Variants in SORCS1 observed in about 807,000 individuals in gnomAD.
The protein encoded by SORCS1 is sortilin related VPS10 domain containing receptor 1, also known as VPS10 domain-containing receptor SorCS1.
SORCS1 carries 60 observed loss-of-function variants against 146.1 expected under a neutral mutation model. That is an observed-to-expected ratio of 0.41 (90% confidence interval 0.33 to 0.51). The LOEUF is 0.51. Among genes scored for constraint, SORCS1 ranks in the 20% least tolerant of loss-of-function variants. The probability of loss-of-function intolerance (pLI) is 0.21; values close to 1 mark genes in which losing one functional copy is unlikely to be tolerated. For missense variants in SORCS1, 1,352 were observed against 1,487.6 expected (o/e 0.91, Z 1.50); for synonymous variants, 637 against 584.0 (o/e 1.09, Z -1.31).
intron 2 of SORCS1, among the ~76,000 whole-genome samples, chr10:106,852,465 T>G (rs552178364): frequency 6.6e-6 from 1 of 151,868 alleles, no homozygotes; most frequent in East Asian, 1.9e-4. Context: ...CTGTCTCTAC[T>G]AAAAATACAA....
At chr10:106,796,913 T>G (rs1246954030) in intron 3 of SORCS1, among the ~76,000 whole-genome samples, 2 of 152,114 alleles carry the variant, frequency 1.3e-5, no homozygotes, top group Non-Finnish European at 2.9e-5. Context: ...ATTGAGACCA[T>G]CCTGCCAACA....
intron 2 of SORCS1, among the ~76,000 whole-genome samples, chr10:106,863,994 A>G (rs887749827): frequency 6.6e-6 from 1 of 152,156 alleles, no homozygotes; most frequent in Non-Finnish European, 1.5e-5. Flanking sequence ...ACAGCCAGTA[A>G]CAGATGCTGG....
At chr10:106,648,074 C>T (rs1025272627) in intron 18 of SORCS1, among the ~76,000 whole-genome samples, 32 of 152,034 alleles carry the variant, frequency 2.1e-4, no homozygotes, top group African/African-American at 7.5e-4. Flanking sequence ...GTTGTCCAAG[C>T]TGGTCTCAAA....
At chr10:106,791,469 G>A (rs148986197) in intron 3 of SORCS1, among the ~76,000 whole-genome samples, 5,104 of 152,218 alleles carry the variant, frequency 0.034, 141 homozygotes, top group Non-Finnish European at 0.055. Context: ...AGGCCGAGGC[G>A]GGCAGATGGA....
At chr10:107,056,540 G>T (rs898616530) in intron 1 of SORCS1, among the ~76,000 whole-genome samples, 1 of 152,216 alleles carries the variant, frequency 6.6e-6, no homozygotes, top group African/African-American at 2.4e-5. Flanking sequence ...TTTGCAGAAG[G>T]CAGCAACTTA....
At chr10:106,849,964 C>T (rs1025421459) in intron 2 of SORCS1, among the ~76,000 whole-genome samples, 2 of 152,162 alleles carry the variant, frequency 1.3e-5, no homozygotes, top group African/African-American at 4.8e-5. Context: ...CAGCTGCGTG[C>T]TGGAAGAACC....
At chr10:107,134,546 G>T (rs898709350) in intron 1 of SORCS1, among the ~76,000 whole-genome samples, 1 of 152,180 alleles carries the variant, frequency 6.6e-6, no homozygotes, top group African/African-American at 2.4e-5. Context: ...GGCTGAGGCA[G>T]GAGAATGGCT....
At chr10:107,091,241 C>G (rs1964160306) in intron 1 of SORCS1, among the ~76,000 whole-genome samples, 1 of 152,224 alleles carries the variant, frequency 6.6e-6, no homozygotes, top group Non-Finnish European at 1.5e-5. Context: ...CCCATTTGAG[C>G]CTTCCCTGAT....
chr10:106,671,286 C>T lies in SORCS1; in HGVS notation c.2140G>A (p.Gly714Arg). 2 of 1,614,114 alleles carry T rather than the reference C, an allele frequency of 1.2e-6. No homozygotes were observed. Among genetic ancestry groups the T allele is most frequent in the Non-Finnish European group, 1.7e-6 (2 of 1,180,004 alleles). The change falls in exon 16 of 26, where the codon GGA (glycine) becomes AGA (arginine). Residue 714 changes from glycine (G) to arginine (R), a missense_variant. Physicochemically the swap from Gly to Arg is moderately radical, Grantham distance 125 (BLOSUM62 -2). Around this residue, in one of 3 missense-constraint regions of SORCS1, gnomAD observed 648 missense variants for 793.8 expected, o/e 0.82. Transcript: ENST00000263054. The part of the protein sequence containing the change: ...ERKCMQGKYA[G>R]AMESEPCVCT... ...ACACAGGGTTCAGATTCCATAGCTC[C>T]TGCATATTTTCCTTGCATACACTTC...
chr10:106,606,915 T>G (rs1432056972), intron 23 of SORCS1, among the ~76,000 whole-genome samples: 9 of 152,210 alleles, frequency 5.9e-5, no homozygotes, highest in Admixed American at 5.9e-4. Context: ...GATTGTAAGT[T>G]TCCTGAGGCC....
chr10:107,005,337 G>A (rs1420010474), intron 1 of SORCS1, among the ~76,000 whole-genome samples: 2 of 151,554 alleles, frequency 1.3e-5, no homozygotes, highest in Non-Finnish European at 1.5e-5. Context: ...TTCGGGGGCG[G>A]GGGGTAGGGA....
intron 6 of SORCS1, among the ~76,000 whole-genome samples, chr10:106,721,131 T>G (rs1442399732): frequency 6.6e-6 from 1 of 151,988 alleles, no homozygotes; most frequent in Non-Finnish European, 1.5e-5. Flanking sequence ...CCTTGATGCT[T>G]TATTTGGGGA....
chr10:106,825,944 T>A (rs180848327), intron 3 of SORCS1, among the ~76,000 whole-genome samples: 1 of 152,208 alleles, frequency 6.6e-6, no homozygotes, highest in Non-Finnish European at 1.5e-5. Flanking sequence ...CACTGACATA[T>A]GTTGAGATTA....
chr10:107,179,603 A>G, the SORCS1 span, among the ~76,000 whole-genome samples: 1 of 152,124 alleles, frequency 6.6e-6, no homozygotes, highest in Non-Finnish European at 1.5e-5. Context: ...TGTTGTCACT[A>G]TTTTTAACTT....
Position 106,731,948 on chromosome 10 carries a change from G to A in SORCS1, c.960-1834C>T, listed in dbSNP as rs973833219. 9.9e-5 allele frequency among the ~76,000 whole-genome samples: 15 copies of A among 152,160 alleles called. 3 individuals carry two copies. Among genetic ancestry groups the A allele is most frequent in the Admixed American group, 3.9e-4 (6 of 15,282 alleles). ...GGAGGTAAAGAGAAAGAAAGCGAAG[G>A]GGCTATAAAGGTCTGCGGGTTTTCT... On this transcript the variant is annotated intron_variant, in intron 5 of 25. Coordinates refer to ENST00000263054, the MANE Select transcript of SORCS1 (RefSeq NM_052918.5).
the SORCS1 span, among the ~76,000 whole-genome samples, chr10:107,178,702 G>A: frequency 6.6e-6 from 1 of 151,934 alleles, no homozygotes. Flanking sequence ...TGGCCAGGCT[G>A]GTCTCAAACT....
At chr10:106,962,360 C>T (rs1450511505) in intron 1 of SORCS1, among the ~76,000 whole-genome samples, 4 of 134,128 alleles carry the variant, frequency 3.0e-5, no homozygotes, top group Non-Finnish European at 6.1e-5. Flanking sequence ...CAAAATTGCA[C>T]TCCAGCCTGG....
At chr10:107,033,260 A>G (rs1277760321) in intron 1 of SORCS1, among the ~76,000 whole-genome samples, 1 of 152,210 alleles carries the variant, frequency 6.6e-6, no homozygotes, top group African/African-American at 2.4e-5. Flanking sequence ...AGAACAGCAA[A>G]GGGGAACCTC....
intron 1 of SORCS1, among the ~76,000 whole-genome samples, chr10:106,970,336 C>CTTTGTTTTTTTT (rs1955713889): frequency 1.1e-5 from 1 of 89,454 alleles, no homozygotes; most frequent in Non-Finnish European, 2.0e-5. Context: ...ACCAACATCT[C>CTTTGTTTTTTTT]TTTTTTTTTT....
Sources: gnomAD v4.1 joint callset for allele counts (sites outside exome capture counted in the v4.1 genomes callset) on GRCh38, gnomAD v4.1.1 for gene constraint, gnomAD v4.1.1 regional missense constraint, MANE v1.5 for transcripts, NCBI Gene and HGNC (gene_info 2026-07-23, HGNC 2026-07-21) for gene names.